The following OR2C3 variants were observed in gnomAD, a reference collection of about 807,000 sequenced individuals.
OR2C3 encodes the protein olfactory receptor family 2 subfamily C member 3, also known as olfactory receptor 2C3.
For synonymous variants in OR2C3, 178 were observed against 163.4 expected (o/e 1.09, Z -0.68); for missense variants, 425 against 401.5 (o/e 1.06, Z -0.50).
Position 247,528,677 on chromosome 1 carries a change from G to A in OR2C3, c.*2872C>T, listed in dbSNP as rs1666783744. On this transcript the variant is annotated 3_prime_UTR_variant, in exon 3 of 3. Transcript: ENST00000641802. ...CAAACTACAGGCAGTTTAGCTGGTT[G>A]TTAATTTTTTATAGAAGGAGACAGG... The A allele has an allele frequency of 6.6e-6, 1 of 152,218 alleles. No individual in the cohort carries two copies. The highest frequency in any genetic ancestry group is 1.5e-5 in the Non-Finnish European group (1 of 68,042). The allele number at this position is 152,218 out of a possible 1,614,324, so 9.4% of individuals were successfully genotyped here. A position where few individuals can be genotyped will look rare whatever the true frequency, so the allele number is the denominator to read the frequency against.
chr1:247,525,101 A>G lies in OR2C3; in HGVS notation c.*6448T>C, dbSNP rs1157805814. ...GTACGAATTTGGTGTCTGAAGGGAA[A>G]TTTAAATATGTCCACATAATGTCAA... On this transcript the variant is annotated 3_prime_UTR_variant, in exon 3 of 3. Transcript: ENST00000641802. 1 of 152,242 alleles carries G rather than the reference A, an allele frequency of 6.6e-6. No individual in the cohort carries two copies. The highest frequency in any genetic ancestry group is 1.5e-5 in the Non-Finnish European group (1 of 68,042). The allele number at this position is 152,242 out of a possible 1,614,324, so 9.4% of individuals were successfully genotyped here.
chr1:247,531,095 C>G lies in OR2C3; in HGVS notation c.*454G>C, dbSNP rs1256770517. 2 of 162,008 alleles carry G rather than the reference C, an allele frequency of 1.2e-5. No homozygotes were observed. The highest frequency in any genetic ancestry group is 2.7e-5 in the Non-Finnish European group (2 of 74,488). 10.0% of individuals were successfully genotyped at this position (162,008 alleles called of 1,614,324 possible). A position where few individuals can be genotyped will look rare whatever the true frequency, so the allele number is the denominator to read the frequency against. ...GGGAGCCACAGCGAGGGTTCCGGAG[C>G]CTGCAAGGCGGAGTCCCGGGCTCAG... On this transcript the variant is annotated 3_prime_UTR_variant, in exon 3 of 3. Coordinates refer to ENST00000641802, the MANE Select transcript of OR2C3 (RefSeq NM_198074.6).
rs373968737 is a variant in OR2C3, at chr1:247,532,205, A to G, written c.307T>C (p.Tyr103His). Residue 103 changes from tyrosine to histidine, a missense_variant, in exon 3 of 3, where the codon TAT (tyrosine) becomes CAT (histidine). Transcript: ENST00000641802. ...GTTGCCCCCAGCCAATGGGAGATAT[A>G]GAACTGGACCACACACCCTCCATAG... ...ISYGGCVVQFYISHWLGATEC... is the reference protein window; with the variant it reads ...ISYGGCVVQFHISHWLGATEC... 3.1e-6 allele frequency: 5 copies of G among 1,614,228 alleles called. No homozygotes were observed. The highest frequency in any genetic ancestry group is 1.1e-5 in the South Asian group (1 of 91,086).
chr1:247,524,920 A>G lies in OR2C3; in HGVS notation c.*6629T>C, dbSNP rs1666617062. 6.6e-6 allele frequency: 1 copy of G among 152,240 alleles called. No homozygotes were observed. 9.4% of individuals were successfully genotyped at this position (152,240 alleles called of 1,614,324 possible). A position where few individuals can be genotyped will look rare whatever the true frequency, so the allele number is the denominator to read the frequency against. ...ATTGAAGAAACACAAATAGCCCCAA[A>G]ACATACCAGAAGATGTTAAACCTCA... On this transcript the variant is annotated 3_prime_UTR_variant, in exon 3 of 3. Coordinates refer to ENST00000641802, the MANE Select transcript of OR2C3 (RefSeq NM_198074.6).
rs1666818306 is a variant in OR2C3, at chr1:247,529,470, G to A, written c.*2079C>T. 6.6e-6 allele frequency: 1 copy of A among 152,224 alleles called. No homozygotes were observed. The highest frequency in any genetic ancestry group is 6.5e-5 in the Admixed American group (1 of 15,280). 9.4% of individuals were successfully genotyped at this position (152,224 alleles called of 1,614,324 possible). ...CTGAGAAACAATACTGTGTAAATAAGCACTGCTTTCCTGCAGGCTGCAGTG... is the reference window on the plus strand; with the variant it reads ...CTGAGAAACAATACTGTGTAAATAAACACTGCTTTCCTGCAGGCTGCAGTG... On this transcript the variant is annotated 3_prime_UTR_variant, in exon 3 of 3. Transcript: ENST00000641802.
rs1475088063 is a variant in OR2C3, at chr1:247,530,892, C to G, written c.*657G>C. The G allele has an allele frequency of 6.6e-6, 1 of 152,400 alleles. No homozygotes were observed. The highest frequency in any genetic ancestry group is 1.5e-5 in the Non-Finnish European group (1 of 68,194). 9.4% of individuals were successfully genotyped at this position (152,400 alleles called of 1,614,324 possible). ...GCCATGTTTCCTCCCCGCTTACCGC[C>G]GCCACCCGAAGGCGCTGAGTCCCGG... On this transcript the variant is annotated 3_prime_UTR_variant, in exon 3 of 3. Coordinates refer to ENST00000641802, the MANE Select transcript of OR2C3 (RefSeq NM_198074.6).
intron 2 of OR2C3, among the ~76,000 whole-genome samples, chr1:247,532,842 G>C (rs958595482): frequency 7.0e-6 from 1 of 143,176 alleles, no homozygotes; most frequent in African/African-American, 2.7e-5. Context: ...CCTTCCTCAC[G>C]GCCAACTTGG....
chr1:247,532,381 C>A lies in OR2C3; in HGVS notation c.131G>T (p.Gly44Val). 6.2e-7 allele frequency: 1 copy of A among 1,614,082 alleles called. No individual in the cohort carries two copies. Among genetic ancestry groups the A allele is most frequent in the Non-Finnish European group, 8.5e-7 (1 of 1,180,000 alleles). Residue 44 changes from glycine (G) to valine (V), a missense_variant, in exon 3 of 3, where the codon GGC (glycine) becomes GTC (valine). Transcript: ENST00000641802. ...TGTATGGGAGACCAGAATGATGATGCCATTGCCCAAGATCGATACCATGTA... is the reference window on the plus strand; with the variant it reads ...TGTATGGGAGACCAGAATGATGATGACATTGCCCAAGATCGATACCATGTA... Reference protein sequence around the residue: ...SFYMVSILGNGIIILVSHTDV... With the variant: ...SFYMVSILGNVIIILVSHTDV...
Position 247,531,554 on chromosome 1 carries a change from T to C in OR2C3, c.958A>G (p.Ile320Val). ...CCGSAGKLAQ[I>V] Reference sequence around the variant, plus strand: ...CTCAGAAGGCACTGGAGTCTCTAAATTTGCGCCAGCTTGCCTGCAGAGCCA... The same window carrying C: ...CTCAGAAGGCACTGGAGTCTCTAAACTTGCGCCAGCTTGCCTGCAGAGCCA... The change falls in exon 3 of 3, where the codon ATT (isoleucine) becomes GTT (valine). Residue 320 changes from isoleucine (I) to valine (V), a missense_variant. Transcript: ENST00000641802. 6.2e-7 allele frequency: 1 copy of C among 1,613,110 alleles called. No individual in the cohort carries two copies. Among genetic ancestry groups the C allele is most frequent in the East Asian group, 2.2e-5 (1 of 44,854 alleles).
Position 247,531,623 on chromosome 1 carries a change from C to T in OR2C3, c.889G>A (p.Glu297Lys). Residue 297 changes from glutamate (E) to lysine (K), a missense_variant, in exon 3 of 3, where the codon GAG becomes AAG. Transcript: ENST00000641802. ...NPLIYTLRNT[E>K]VKSALRHMVL... ...ATGTGCCGGAGGGCGCTCTTCACCT[C>T]CGTGTTCCTCAGGGTGTAAATAAGT... 1 of 1,614,180 alleles carries T rather than the reference C, an allele frequency of 6.2e-7. No homozygotes were observed. The highest frequency in any genetic ancestry group is 2.2e-5 in the East Asian group (1 of 44,864).
chr1:247,531,455 A>G lies in OR2C3; in HGVS notation c.*94T>C. On this transcript the variant is annotated 3_prime_UTR_variant, in exon 3 of 3. Transcript: ENST00000641802. ...TCCATCTACCTTGAGCTCAAACAATATTAGAAGAAAAACGACATCCCAAGT... is the reference window on the plus strand; with the variant it reads ...TCCATCTACCTTGAGCTCAAACAATGTTAGAAGAAAAACGACATCCCAAGT... The G allele has an allele frequency of 7.8e-7, 1 of 1,285,056 alleles. No individual in the cohort carries two copies. Among genetic ancestry groups the G allele is most frequent in the Non-Finnish European group, 1.1e-6 (1 of 921,546 alleles). 79.6% of individuals were successfully genotyped at this position (1,285,056 alleles called of 1,614,324 possible).
rs1315612066 is a variant in OR2C3, at chr1:247,536,241, A to C, written c.-475T>G. ...TGTAAAATGGGCAATATTTTATTAA[A>C]AAGACTGATAACATTCATGAATTCA... On this transcript the variant is annotated 5_prime_UTR_variant, in exon 1 of 3. Coordinates refer to ENST00000641802, the MANE Select transcript of OR2C3 (RefSeq NM_198074.6). The C allele has an allele frequency of 6.6e-6, 1 of 152,224 alleles. No homozygotes were observed. Among genetic ancestry groups the C allele is most frequent in the Non-Finnish European group, 1.5e-5 (1 of 68,036 alleles). 9.4% of individuals were successfully genotyped at this position (152,224 alleles called of 1,614,324 possible).
chr1:247,533,839 G>A lies in OR2C3; in HGVS notation c.-362C>T, dbSNP rs1667110025. 1 of 152,180 alleles carries A rather than the reference G, an allele frequency of 6.6e-6. No homozygotes were observed. The highest frequency in any genetic ancestry group is 1.5e-5 in the Non-Finnish European group (1 of 68,042). The allele number at this position is 152,180 out of a possible 1,614,324, so 9.4% of individuals were successfully genotyped here. On this transcript the variant is annotated 5_prime_UTR_variant, in exon 2 of 3. Coordinates refer to ENST00000641802, the MANE Select transcript of OR2C3 (RefSeq NM_198074.6). ...ATCTGCCATTTGTCAGTTGATTTCT[G>A]TGAAATTTCAGAGGACAAAGGTGAA... is the stretch of plus-strand genomic sequence containing the variant.
Position 247,529,718 on chromosome 1 carries a change from G to GTTTT in OR2C3, c.*1827_*1830dup, listed in dbSNP as rs57236564. 8 of 108,308 alleles carry GTTTT rather than the reference G, an allele frequency of 7.4e-5. 1 individual carries two copies. The highest frequency in any genetic ancestry group is 2.9e-4 in the African/African-American group (8 of 27,446). The allele number at this position is 108,308 out of a possible 1,614,324, so 6.7% of individuals were successfully genotyped here. A position where few individuals can be genotyped will look rare whatever the true frequency, so the allele number is the denominator to read the frequency against. Reference sequence around the variant, plus strand: ...CAAGCCTCGGTGTTACTGTGAAGGTGTTTTTTTTTTTTTTTTTTTTTTTTT... The same window carrying GTTTT: ...CAAGCCTCGGTGTTACTGTGAAGGTGTTTTTTTTTTTTTTTTTTTTTTTTTTTTT... On this transcript the variant is annotated 3_prime_UTR_variant, in exon 3 of 3. Transcript: ENST00000641802.
chr1:247,534,103 C>T (rs1413490686), intron 1 of OR2C3, among the ~76,000 whole-genome samples: 1 of 152,176 alleles, frequency 6.6e-6, no homozygotes, highest in Non-Finnish European at 1.5e-5. Context: ...ATATTGAAAA[C>T]CCTCACAACT....
rs900782080 is a variant in OR2C3 at position 247,528,862 on chromosome 1, T to C, written c.*2687A>G. The C allele has an allele frequency of 6.6e-6, 1 of 152,048 alleles. No homozygotes were observed. The highest frequency in any genetic ancestry group is 1.5e-5 in the Non-Finnish European group (1 of 68,018). The allele number at this position is 152,048 out of a possible 1,614,324, so 9.4% of individuals were successfully genotyped here. On this transcript the variant is annotated 3_prime_UTR_variant, in exon 3 of 3. Coordinates refer to ENST00000641802, the MANE Select transcript of OR2C3 (RefSeq NM_198074.6). ...GAAAAGTGCACAGATCATGAAGATATCTGTCTGACATAAATGCCCATGAGA... is the reference window on the plus strand; with the variant it reads ...GAAAAGTGCACAGATCATGAAGATACCTGTCTGACATAAATGCCCATGAGA...
rs1308019147 is a variant in OR2C3, at chr1:247,532,215, C to T, written c.297G>A (p.Val99=). 1.9e-6 allele frequency: 3 copies of T among 1,614,166 alleles called. No individual in the cohort carries two copies. The highest frequency in any genetic ancestry group is 2.5e-6 in the Non-Finnish European group (3 of 1,180,026). Residue 99 remains valine (V), a synonymous_variant, in exon 3 of 3, where the codon GTG becomes GTA. Coordinates refer to ENST00000641802, the MANE Select transcript of OR2C3 (RefSeq NM_198074.6). ...GCCAATGGGAGATATAGAACTGGAC[C>T]ACACACCCTCCATAGCTTATGGTTT... is the stretch of plus-strand genomic sequence containing the variant. ...PQKTISYGGC[V]VQFYISHWLG...
intron 1 of OR2C3, among the ~76,000 whole-genome samples, chr1:247,534,257 C>T (rs866201665): frequency 4.6e-5 from 7 of 152,032 alleles, no homozygotes; most frequent in Non-Finnish European, 8.8e-5. Flanking sequence ...TTTTGTTTAC[C>T]TCTGGGTCCC....
At position 247,531,280 on chromosome 1, in the gene OR2C3, C is replaced by T. The variant is rs1431170349; in HGVS notation, c.*269G>A. On this transcript the variant is annotated 3_prime_UTR_variant, in exon 3 of 3. Transcript: ENST00000641802. ...CGGATACTGAGGAACAGCTGAACAA[C>T]AACGCAAGGAGTTTACAAAACAAGA... 1.1e-5 allele frequency: 5 copies of T among 454,218 alleles called. No homozygotes were observed. In the East Asian group the frequency reaches 2.0e-4, roughly 18 times the overall value. The allele number at this position is 454,218 out of a possible 1,614,324, so 28.1% of individuals were successfully genotyped here.
Sources: gnomAD v4.1 joint callset for allele counts (sites outside exome capture counted in the v4.1 genomes callset) on GRCh38, gnomAD v4.1.1 for gene constraint, MANE v1.5 for transcripts, NCBI Gene and HGNC (gene_info 2026-07-23, HGNC 2026-07-21) for gene names.